Variants in FARP1 observed in about 807,000 individuals in gnomAD.
FARP1 encodes FERM, ARHGEF and pleckstrin domain-containing protein 1.
In FARP1, 52 loss-of-function variants were observed where a neutral mutation model predicts 128.8. The ratio of observed to expected loss-of-function variants is 0.40; its 90% CI spans 0.32 to 0.51. The LOEUF (loss-of-function observed/expected upper bound fraction) is 0.51. FARP1 is among the 20% of genes least tolerant of loss of function. The pLI, the probability that FARP1 is intolerant of heterozygous loss-of-function variation, is 0.45. For synonymous variants in FARP1, 580 were observed against 551.8 expected, an observed-to-expected ratio of 1.05 and a Z score of -0.72; for missense variants, 1,333 against 1,367.9, an observed-to-expected ratio of 0.97 and a Z score of 0.40.
chr13:98,169,703 A>G (rs992359277), intron 1 of FARP1, among the ~76,000 whole-genome samples: 2 of 152,232 alleles, frequency 1.3e-5, no homozygotes, highest in African/African-American at 2.4e-5. Context: ...TATTTTGGAT[A>G]TGATTTAATT....
Position 98,295,104 on chromosome 13 carries a change from CAT to C in FARP1, c.172-48653_172-48652del, listed in dbSNP as rs199654031. 3.4e-3 allele frequency among the ~76,000 whole-genome samples: 87 copies of C among 25,494 alleles called. 2 individuals are homozygous for C. Among genetic ancestry groups the C allele is most frequent in the Non-Finnish European group, 4.8e-3 (54 of 11,360 alleles). 16.7% of individuals were successfully genotyped at this position (25,494 alleles called of 152,430 possible). ...ACACACACACACACACACACACACA[CAT>C]ATATCCCCAGGCATTATTTATTTAT... is the stretch of plus-strand genomic sequence containing the variant. On this transcript the variant is annotated intron_variant, in intron 2 of 26. Transcript: ENST00000319562.
intron 26 of FARP1, chr13:98,447,928 T>G: frequency 2.5e-6 from 1 of 403,720 alleles, no homozygotes; most frequent in Non-Finnish European, 4.5e-6. Context: ...GCCATGTCCA[T>G]GAAAATAGGA....
chr13:98,244,821 T>G lies in FARP1; in HGVS notation c.171+31408T>G, dbSNP rs189138859. ...CATTTCAGTGCCCAATAAGTGATTT[T>G]TCTGCTGGGTAGGAGTAGATACAGA... On this transcript the variant is annotated intron_variant, in intron 2 of 26. Transcript: ENST00000319562. The G allele has an allele frequency of 9.4e-6, 14 of 1,497,090 alleles. No individual in the cohort carries two copies. The East Asian group carries it at 3.4e-4, about 36-fold the overall frequency. The allele number at this position is 1,497,090 out of a possible 1,614,324, so 92.7% of individuals were successfully genotyped here. A position where few individuals can be genotyped will look rare whatever the true frequency, so the allele number is the denominator to read the frequency against.
chr13:98,426,013 C>T (rs1039080218), intron 17 of FARP1, among the ~76,000 whole-genome samples: 8 of 152,176 alleles, frequency 5.3e-5, no homozygotes, highest in African/African-American at 1.9e-4. Flanking sequence ...GCTAGCAACC[C>T]CTTAAAGAAG....
intron 2 of FARP1, among the ~76,000 whole-genome samples, chr13:98,226,603 G>A (rs1881788158): frequency 1.3e-5 from 2 of 152,034 alleles, no homozygotes. Flanking sequence ...ACTTCTAGCT[G>A]TGTAACTCAT....
intron 2 of FARP1, among the ~76,000 whole-genome samples, chr13:98,274,790 T>G (rs1263955430): frequency 2.0e-5 from 3 of 152,194 alleles, no homozygotes; most frequent in Non-Finnish European, 4.4e-5. Flanking sequence ...ATCAAAAATC[T>G]CACATATTAA....
rs1195956259 is a variant in FARP1 at position 98,440,821 on chromosome 13, C to T, written c.2781C>T (p.Phe927=). 6.2e-7 allele frequency: 1 copy of T among 1,608,618 alleles called. No homozygotes were observed. Among genetic ancestry groups the T allele is most frequent in the East Asian group, 2.2e-5 (1 of 44,618 alleles). Residue 927 remains phenylalanine (F), a synonymous_variant, in exon 24 of 27, where the codon TTC becomes TTT. Transcript: ENST00000319562. ...ACACCAGCGTCTCCATGGTGGACTT[C>T]AGCATCGCAGTGGAGGTACGCAGGG... ...HRNTSVSMVD[F]SIAVENQLSG...
intron 6 of FARP1, among the ~76,000 whole-genome samples, chr13:98,379,767 A>T (rs1889821058): frequency 6.6e-6 from 1 of 152,188 alleles, no homozygotes. Context: ...ACATTGTATT[A>T]TTCAGGGAAT....
chr13:98,260,703 T>C (rs1211151745), intron 2 of FARP1, among the ~76,000 whole-genome samples: 1 of 152,204 alleles, frequency 6.6e-6, no homozygotes, highest in Non-Finnish European at 1.5e-5. Flanking sequence ...TTCATGTTGT[T>C]TCAAGGCTGT....
intron 17 of FARP1, among the ~76,000 whole-genome samples, chr13:98,430,032 A>G (rs370670042): frequency 9.8e-5 from 15 of 152,344 alleles, no homozygotes; most frequent in African/African-American, 2.9e-4. Context: ...TGAGGCCAGG[A>G]GTTTGAGACC....
At chr13:98,288,557 C>G (rs1173252076) in intron 2 of FARP1, among the ~76,000 whole-genome samples, 1 of 152,204 alleles carries the variant, frequency 6.6e-6, no homozygotes, top group Non-Finnish European at 1.5e-5. Context: ...AACCCCTTCA[C>G]TGTGTAATTT....
In FARP1 at chr13:98,437,222, C is replaced by T. The variant is rs181439271; in HGVS notation, c.2274+1516C>T. On this transcript the variant is annotated intron_variant, in intron 19 of 26. Coordinates refer to ENST00000319562, the MANE Select transcript of FARP1 (RefSeq NM_005766.4). ...GGGAAGCATTTTGCTCTATCACACA[C>T]TGGCCGATCAGGTGATGATGGGCAA... Among the ~76,000 whole-genome samples, 110 of 152,326 alleles carry T rather than the reference C, an allele frequency of 7.2e-4. 1 individual carries two copies. The highest frequency in any genetic ancestry group is 1.5e-4 in the Non-Finnish European group (10 of 68,032).
intron 2 of FARP1, among the ~76,000 whole-genome samples, chr13:98,300,107 C>T (rs1443232321): frequency 6.6e-6 from 1 of 152,236 alleles, no homozygotes; most frequent in South Asian, 2.1e-4. Flanking sequence ...GCCAACCACA[C>T]ACAGAATTTG....
intron 26 of FARP1, 174 bp downstream of exon 26, chr13:98,446,991 A>G (rs1892886360): frequency 1.5e-6 from 1 of 655,352 alleles, no homozygotes; most frequent in Non-Finnish European, 2.6e-6. Context: ...CTCATGGCAG[A>G]AAGTGGGGTC....
In FARP1 at chr13:98,233,929, GA is replaced by G. The variant is rs774432845; in HGVS notation, c.171+20521del. On this transcript the variant is annotated intron_variant, in intron 2 of 26. Coordinates refer to ENST00000319562, the MANE Select transcript of FARP1 (RefSeq NM_005766.4). ...GTATTTCCTTTACAAGTCAGAAATG[GA>G]AAAAGAGGAAATTACCATCCCACAT... is the stretch of plus-strand genomic sequence containing the variant. 9 of 152,174 alleles carry G rather than the reference GA, an allele frequency of 5.9e-5. No homozygotes were observed. In the East Asian group the frequency reaches 7.7e-4, roughly 13 times the overall value. 9.4% of individuals were successfully genotyped at this position (152,174 alleles called of 1,614,324 possible). A position where few individuals can be genotyped will look rare whatever the true frequency, so the allele number is the denominator to read the frequency against.
In FARP1 at chr13:98,431,209, A is replaced by G. The variant is rs1225330603; in HGVS notation, c.2072A>G (p.His691Arg). ...FLLRPLHRLM[H>R]YKQVLERLCK... ...CTGCGGCCACTGCACCGGCTCATGC[A>G]CTACAAGCAGGTCCTGGAGCGGCTG... Residue 691 changes from histidine (H) to arginine (R), a missense_variant, in exon 18 of 27, where the codon CAC becomes CGC. By Grantham distance (29) the His-to-Arg change is conservative. This residue lies in a region of FARP1 where 1,009 missense variants were observed against 969.8 expected (regional missense o/e 1.04). Transcript: ENST00000319562. 2 of 1,608,824 alleles carry G rather than the reference A, an allele frequency of 1.2e-6. No individual in the cohort carries two copies. The highest frequency in any genetic ancestry group is 1.1e-5 in the South Asian group (1 of 90,322).
At chr13:98,180,096 A>G (rs2139198032) in intron 1 of FARP1, among the ~76,000 whole-genome samples, 1 of 152,132 alleles carries the variant, frequency 6.6e-6, no homozygotes, top group African/African-American at 2.4e-5. Flanking sequence ...CATTGCTATA[A>G]AGGAATGCCT....
At chr13:98,447,026 G>A (rs974786477) in intron 26 of FARP1, 2 of 550,186 alleles carry the variant, frequency 3.6e-6, no homozygotes, top group South Asian at 2.2e-5. Flanking sequence ...CCCTTACCCT[G>A]CACGGTGTTG....
chr13:98,359,166 G>C (rs959065720), intron 3 of FARP1, among the ~76,000 whole-genome samples: 35 of 152,168 alleles, frequency 2.3e-4, no homozygotes, highest in African/African-American at 7.0e-4. Flanking sequence ...CGGACTTGAT[G>C]TCAGATTCAA....
Sources: allele counts gnomAD v4.1 joint callset (sites outside exome capture counted in the v4.1 genomes callset), GRCh38; gene constraint gnomAD v4.1.1; regional missense constraint gnomAD v4.1.1; transcripts MANE v1.5; gene names NCBI Gene and HGNC (gene_info 2026-07-23, HGNC 2026-07-21).